TDRD7: variants seen among roughly 807,000 people sequenced by gnomAD.
The protein encoded by TDRD7 is tudor domain containing 7.
A neutral mutation model predicts 109.8 loss-of-function variants in TDRD7; 47 were observed. The ratio of observed to expected loss-of-function variants is 0.43; its 90% CI spans 0.34 to 0.55. TDRD7 has a LOEUF of 0.55. TDRD7 is among the 20% of genes least tolerant of loss of function. TDRD7 has a pLI of 0.03. For missense variants in TDRD7, 1,164 were observed against 1,319.2 expected (o/e 0.88, Z 1.82); for synonymous variants, 424 against 457.3 (o/e 0.93, Z 0.93).
At chr9:97,426,400 T>C (rs1177711716) in intron 1 of TDRD7, among the ~76,000 whole-genome samples, 1 of 152,088 alleles carries the variant, frequency 6.6e-6, no homozygotes, top group Admixed American at 6.6e-5. Flanking sequence ...TATAGACATA[T>C]GCTGCCACAT....
Position 97,495,776 on chromosome 9 carries a change from G to T in TDRD7, c.3190G>T (p.Asp1064Tyr), listed in dbSNP as rs1829387220. 1 of 1,614,110 alleles carries T rather than the reference G, an allele frequency of 6.2e-7. No individual in the cohort carries two copies. Among genetic ancestry groups the T allele is most frequent in the Non-Finnish European group, 8.5e-7 (1 of 1,180,024 alleles). ...AGTCATTGAAAATGCTAACCCTTGG[G>T]ACCGGAAAGTAGTGGTCTACTTAGT... is the stretch of plus-strand genomic sequence containing the variant. ...QTVIENANPW[D>Y]RKVVVYLVDT... The change falls in exon 17 of 17, where the codon GAC becomes TAC. Residue 1064 changes from aspartate (D) to tyrosine (Y), a missense_variant. This residue lies in a region of TDRD7 where 162 missense variants were observed against 222.5 expected (regional missense o/e 0.73). Transcript: ENST00000355295.
intron 1 of TDRD7, among the ~76,000 whole-genome samples, chr9:97,421,295 A>C (rs1339366837): frequency 6.6e-6 from 1 of 152,242 alleles, no homozygotes; most frequent in African/African-American, 2.4e-5. Context: ...GTGTAGTGAT[A>C]CTTCATTGTG....
intron 1 of TDRD7, among the ~76,000 whole-genome samples, chr9:97,422,385 G>T (rs7850732): frequency 1.2e-3 from 189 of 151,240 alleles, no homozygotes; most frequent in African/African-American, 4.5e-3. Context: ...AACAGATCAA[G>T]ACCCTGTCTC....
At chr9:97,446,598 C>T (rs1307718811) in intron 6 of TDRD7, among the ~76,000 whole-genome samples, 1 of 152,134 alleles carries the variant, frequency 6.6e-6, no homozygotes, top group Non-Finnish European at 1.5e-5. Context: ...TGTTTCATAT[C>T]TAATCCTGCA....
chr9:97,467,371 G>A (rs993071217), intron 8 of TDRD7, among the ~76,000 whole-genome samples: 1 of 152,140 alleles, frequency 6.6e-6, no homozygotes, highest in African/African-American at 2.4e-5. Context: ...TCTACTTTGG[G>A]AATTCAGGCT....
In TDRD7 at chr9:97,475,459, T is replaced by C; in HGVS notation, c.2156T>C (p.Leu719Ser). 1 of 1,611,970 alleles carries C rather than the reference T, an allele frequency of 6.2e-7. No homozygotes were observed. The highest frequency in any genetic ancestry group is 1.7e-5 in the Admixed American group (1 of 59,954). ...CTCTTCCATTGCAAAGGAAAATGGTTACGAGTAGAGGTAAAAATCAGTCAC... is the reference window on the plus strand; with the variant it reads ...CTCTTCCATTGCAAAGGAAAATGGTCACGAGTAGAGGTAAAAATCAGTCAC... ...ICLFHCKGKW[L>S]RVEITNVHSS... Residue 719 changes from leucine (L) to serine (S), a missense_variant, in exon 12 of 17, where the codon TTA (leucine) becomes TCA (serine). By Grantham distance (145) the Leu-to-Ser change is moderately radical. Transcript: ENST00000355295.
chr9:97,478,765 T>TA, intron 13 of TDRD7, 192 bp downstream of exon 13: 1 of 699,346 alleles, frequency 1.4e-6, no homozygotes, highest in African/African-American at 1.8e-5. Flanking sequence ...CATATTTACA[T>TA]ACTGTTGTTT....
At chr9:97,432,586 C>A (rs201213154) in intron 4 of TDRD7, among the ~76,000 whole-genome samples, 2 of 152,168 alleles carry the variant, frequency 1.3e-5, no homozygotes, top group African/African-American at 4.8e-5. Context: ...TTCAGACACT[C>A]CACTGTGCTG....
chr9:97,427,246 CT>C (rs915232706), intron 1 of TDRD7, among the ~76,000 whole-genome samples: 8 of 151,372 alleles, frequency 5.3e-5, no homozygotes, highest in African/African-American at 9.7e-5. Flanking sequence ...CTGAATTTGT[CT>C]TTTTTTTTCT....
intron 1 of TDRD7, among the ~76,000 whole-genome samples, chr9:97,414,263 A>G (rs1024222241): frequency 6.6e-6 from 1 of 152,254 alleles, no homozygotes; most frequent in Non-Finnish European, 1.5e-5. Flanking sequence ...AACTAAAAGT[A>G]ATTAATTTTG....
At chr9:97,417,196 G>T (rs778048477) in intron 1 of TDRD7, among the ~76,000 whole-genome samples, 6 of 152,162 alleles carry the variant, frequency 3.9e-5, no homozygotes, top group Non-Finnish European at 5.9e-5. Context: ...AAAGCATGGA[G>T]CCCAGGATGG....
intron 10 of TDRD7, 94 bp downstream of exon 10, chr9:97,472,589 G>C: frequency 9.3e-7 from 1 of 1,074,596 alleles, no homozygotes; most frequent in South Asian, 1.3e-5. Context: ...AATTGATAGA[G>C]ACAGATTACA....
chr9:97,455,794 A>G (rs1375391468), intron 6 of TDRD7, among the ~76,000 whole-genome samples: 1 of 152,188 alleles, frequency 6.6e-6, no homozygotes, highest in Non-Finnish European at 1.5e-5. Context: ...CACCACTCCT[A>G]TTCAACATAG....
chr9:97,443,560 A>G (rs1828349233), intron 6 of TDRD7, among the ~76,000 whole-genome samples: 1 of 152,276 alleles, frequency 6.6e-6, no homozygotes, highest in East Asian at 1.9e-4. Context: ...CCATTCTGGG[A>G]AGAATTTTCC....
At chr9:97,428,348 C>A in intron 1 of TDRD7, 112 bp from the exon 2 acceptor site, 1 of 1,068,866 alleles carries the variant, frequency 9.4e-7, no homozygotes, top group Non-Finnish European at 1.4e-6. Context: ...TGTAATTGCA[C>A]AGAAAGTATG....
intron 1 of TDRD7, among the ~76,000 whole-genome samples, chr9:97,416,151 G>A (rs1827806974): frequency 6.6e-6 from 1 of 152,186 alleles, no homozygotes; most frequent in African/African-American, 2.4e-5. Flanking sequence ...TATACTCCAA[G>A]GGATTCCCCT....
At chr9:97,495,106 A>G (rs1331890598) in intron 16 of TDRD7, among the ~76,000 whole-genome samples, 24 of 152,154 alleles carry the variant, frequency 1.6e-4, no homozygotes, top group Admixed American at 1.6e-3. Context: ...TTCTTTTATC[A>G]TAGGTGAGAT....
At chr9:97,465,403 A>G (rs956416977) in intron 8 of TDRD7, among the ~76,000 whole-genome samples, 1 of 152,190 alleles carries the variant, frequency 6.6e-6, no homozygotes, top group Non-Finnish European at 1.5e-5. Flanking sequence ...CAAAGGAGAC[A>G]ATTCTTCTTC....
At chr9:97,492,683 G>A (rs1389677337) in intron 16 of TDRD7, among the ~76,000 whole-genome samples, 3 of 152,154 alleles carry the variant, frequency 2.0e-5, no homozygotes, top group Non-Finnish European at 4.4e-5. Context: ...TTGCTGTTGG[G>A]TCCCATCCAT....
Sources: gnomAD v4.1 joint callset for allele counts (sites outside exome capture counted in the v4.1 genomes callset) on GRCh38, gnomAD v4.1.1 for gene constraint, gnomAD v4.1.1 regional missense constraint, MANE v1.5 for transcripts, NCBI Gene and HGNC (gene_info 2026-07-23, HGNC 2026-07-21) for gene names.